Variants in NRXN1 observed in about 807,000 individuals in gnomAD.
The protein encoded by NRXN1 is neurexin-1.
In NRXN1, 39 loss-of-function variants were observed where a neutral mutation model predicts 150.9. That is an observed-to-expected ratio of 0.26 (90% CI 0.20 to 0.34). The LOEUF (loss-of-function observed/expected upper bound fraction) is 0.34. Among genes scored for constraint, NRXN1 ranks in the 10% least tolerant of loss-of-function variants. The pLI is 1.00. For synonymous variants in NRXN1, 924 were observed against 757.0 expected (o/e 1.22, Z -3.62); for missense variants, 1,815 against 1,949.9 (o/e 0.93, Z 1.30).
chr2:50,515,686 T>C (rs1034349963), intron 12 of NRXN1, among the ~76,000 whole-genome samples: 3 of 151,814 alleles, frequency 2.0e-5, no homozygotes, highest in African/African-American at 7.3e-5. Flanking sequence ...GGTTTCTACG[T>C]ATATCAACTT....
intron 5 of NRXN1, among the ~76,000 whole-genome samples, chr2:50,742,615 A>T (rs2105280961): frequency 6.6e-6 from 1 of 151,744 alleles, no homozygotes. Context: ...CTCAAAAAAA[A>T]AAAAAAAAGA....
intron 2 of NRXN1, among the ~76,000 whole-genome samples, chr2:50,947,882 G>A (rs1205659294): frequency 6.6e-6 from 1 of 151,840 alleles, no homozygotes; most frequent in Admixed American, 6.6e-5. Flanking sequence ...ATCACGCTGA[G>A]TATCAATTTG....
At chr2:50,473,150 C>T (rs2089680049) in intron 15 of NRXN1, among the ~76,000 whole-genome samples, 2 of 151,890 alleles carry the variant, frequency 1.3e-5, no homozygotes, top group African/African-American at 4.8e-5. Flanking sequence ...ATAGTCTGTA[C>T]ATAAGTGGAT....
chr2:50,526,752 T>C (rs757871095), intron 12 of NRXN1: 1 of 152,216 alleles, frequency 6.6e-6, no homozygotes, highest in African/African-American at 2.4e-5. Flanking sequence ...AGTTAAGGAA[T>C]GTGCAGTCCT....
At chr2:50,703,618 G>A (rs1694055370) in intron 5 of NRXN1, among the ~76,000 whole-genome samples, 1 of 152,120 alleles carries the variant, frequency 6.6e-6, no homozygotes, top group Non-Finnish European at 1.5e-5. Flanking sequence ...TGCCATAAAG[G>A]GCATCAAGGA....
In NRXN1 at chr2:50,923,895, A is replaced by C. The variant is rs573259843; in HGVS notation, c.791-1208T>G. On this transcript the variant is annotated intron_variant, in intron 3 of 22. Transcript: ENST00000401669. ...TAGATATAATTACAAATAATCATCTAATCACAATATAACATGAAAGTTATT... is the reference window on the plus strand; with the variant it reads ...TAGATATAATTACAAATAATCATCTCATCACAATATAACATGAAAGTTATT... Among the ~76,000 whole-genome samples, 5 of 151,936 alleles carry C rather than the reference A, an allele frequency of 3.3e-5. 1 individual carries two copies. The South Asian group carries it at 1.0e-3, about 31-fold the overall frequency.
At chr2:50,115,742 GAC>G (rs1408352732) in intron 18 of NRXN1, among the ~76,000 whole-genome samples, 1 of 152,034 alleles carries the variant, frequency 6.6e-6, no homozygotes, top group Non-Finnish European at 1.5e-5. Flanking sequence ...TGCAATCTAT[GAC>G]AGTTTTATGA....
intron 17 of NRXN1, among the ~76,000 whole-genome samples, chr2:50,280,590 A>G (rs1011414489): frequency 6.6e-6 from 1 of 152,192 alleles, no homozygotes; most frequent in African/African-American, 2.4e-5. Flanking sequence ...AGCGGGAGTA[A>G]CAAAGGCCTA....
intron 5 of NRXN1, among the ~76,000 whole-genome samples, chr2:50,655,826 C>A (rs1163868384): frequency 1.3e-5 from 2 of 151,636 alleles, no homozygotes; most frequent in African/African-American, 4.8e-5. Context: ...TATTCTAGAT[C>A]TATACAAAGA....
At chr2:50,841,315 C>A (rs984215628) in intron 5 of NRXN1, among the ~76,000 whole-genome samples, 1 of 152,134 alleles carries the variant, frequency 6.6e-6, no homozygotes. Flanking sequence ...AAATTTCCAG[C>A]CATACCTGGA....
At chr2:50,491,253 G>C (rs868547131) in intron 15 of NRXN1, among the ~76,000 whole-genome samples, 9 of 152,152 alleles carry the variant, frequency 5.9e-5, no homozygotes, top group African/African-American at 1.9e-4. Flanking sequence ...AACATGAAAA[G>C]GTATAAAATG....
At chr2:50,789,945 T>C (rs191846166) in intron 5 of NRXN1, among the ~76,000 whole-genome samples, 191 of 152,276 alleles carry the variant, frequency 1.3e-3, no homozygotes, top group African/African-American at 4.3e-3. Context: ...TCTTAAAGAA[T>C]TAGTAGCTTT....
chr2:50,308,045 A>G (rs1256281958), intron 17 of NRXN1, among the ~76,000 whole-genome samples: 1 of 152,174 alleles, frequency 6.6e-6, no homozygotes, highest in Non-Finnish European at 1.5e-5. Flanking sequence ...GCAAATTAAC[A>G]TAACCATCTA....
chr2:50,531,401 T>C lies in NRXN1; in HGVS notation c.2173A>G (p.Met725Val). ...EATVLSYDGS[M>V]FMKIQLPVVM... ...ACGGGGAGCTGAATTTTCATAAACA[T>C]GCTCCCATCATAGCTCAAAACCGTT... Residue 725 changes from methionine (M) to valine (V), a missense_variant, in exon 11 of 23, where the codon ATG (methionine) becomes GTG (valine). By Grantham distance (21) the Met-to-Val change is conservative. Coordinates refer to ENST00000401669, the MANE Select transcript of NRXN1 (RefSeq NM_001330078.2). 2 of 1,612,302 alleles carry C rather than the reference T, an allele frequency of 1.2e-6. No homozygotes were observed. The highest frequency in any genetic ancestry group is 1.7e-6 in the Non-Finnish European group (2 of 1,179,224).
At chr2:50,631,753 A>C (rs1434572085) in intron 5 of NRXN1, among the ~76,000 whole-genome samples, 1 of 151,950 alleles carries the variant, frequency 6.6e-6, no homozygotes, top group Non-Finnish European at 1.5e-5. Flanking sequence ...TGGACTGACT[A>C]GTCAGTTCTA....
intron 5 of NRXN1, among the ~76,000 whole-genome samples, chr2:50,655,221 A>C (rs964113834): frequency 6.6e-6 from 1 of 151,736 alleles, no homozygotes; most frequent in Non-Finnish European, 1.5e-5. Context: ...ATTTCCCTTT[A>C]CTTTTCCATC....
chr2:50,329,613 G>A (rs867255578), intron 17 of NRXN1, among the ~76,000 whole-genome samples: 11 of 18,708 alleles, frequency 5.9e-4, no homozygotes, highest in African/African-American at 2.1e-3. Context: ...GTGTGTGTGT[G>A]TGTGTATATA....
chr2:50,046,382 C>T (rs999091413), intron 21 of NRXN1, among the ~76,000 whole-genome samples: 1 of 152,168 alleles, frequency 6.6e-6, no homozygotes, highest in Non-Finnish European at 1.5e-5. Flanking sequence ...AATTGATGTG[C>T]TGCTGAAGAA....
intron 5 of NRXN1, among the ~76,000 whole-genome samples, chr2:50,666,849 A>G (rs1688095533): frequency 1.0e-5 from 1 of 99,374 alleles, no homozygotes; most frequent in African/African-American, 3.9e-5. Flanking sequence ...AATGATGATG[A>G]TGATGATGAT....
Sources: gnomAD v4.1 joint callset for allele counts (sites outside exome capture counted in the v4.1 genomes callset) on GRCh38, gnomAD v4.1.1 for gene constraint, MANE v1.5 for transcripts, NCBI Gene and HGNC (gene_info 2026-07-23, HGNC 2026-07-21) for gene names.